CR1: variants seen among roughly 807,000 people sequenced by gnomAD.
CR1 encodes complement receptor type 1.
CR1 carries 116 observed loss-of-function variants against 187.3 expected under a neutral mutation model. The observed-to-expected ratio is 0.62, with a 90% CI of 0.53 to 0.72. The LOEUF (loss-of-function observed/expected upper bound fraction) is 0.72. Ranked by LOEUF, CR1 falls within the 30% of genes least tolerant of loss-of-function variation. The pLI, the probability that CR1 is intolerant of heterozygous loss-of-function variation, is 0.00. For synonymous variants in CR1, 576 were observed against 747.1 expected, an observed-to-expected ratio of 0.77 and a Z score of 3.73; for missense variants, 1,731 against 2,110.7, an observed-to-expected ratio of 0.82 and a Z score of 3.52.
At chr1:207,594,556 C>A (rs1286876274) in intron 35 of CR1, among the ~76,000 whole-genome samples, 1 of 152,062 alleles carries the variant, frequency 6.6e-6, no homozygotes, top group Non-Finnish European at 1.5e-5. Flanking sequence ...ACCTATGTAA[C>A]AAACCTGCAC....
chr1:207,510,847 T>G (rs12037841), intron 3 of CR1, among the ~76,000 whole-genome samples: 128,535 of 147,804 alleles, frequency 0.87, 56,351 homozygotes, highest in African/African-American at 0.97. Context: ...TTTGATACAA[T>G]GTCTTGCTTT....
chr1:207,599,924 C>T (rs1661555231), intron 35 of CR1, among the ~76,000 whole-genome samples: 1 of 152,144 alleles, frequency 6.6e-6, no homozygotes, highest in South Asian at 2.1e-4. Context: ...ACAAGTGCAA[C>T]TTAAGCATAT....
intron 4 of CR1, among the ~76,000 whole-genome samples, chr1:207,519,600 CCT>C (rs1558223769): frequency 6.6e-6 from 1 of 152,180 alleles, no homozygotes; most frequent in African/African-American, 2.4e-5. Flanking sequence ...ATGTCCTCCC[CCT>C]CTTTTTGTAT....
intron 39 of CR1, among the ~76,000 whole-genome samples, chr1:207,613,363 A>G (rs1307595140): frequency 6.6e-6 from 1 of 152,142 alleles, no homozygotes; most frequent in East Asian, 1.9e-4. Context: ...CAAAGACACC[A>G]CTCAAAGGTG....
chr1:207,628,253 T>C (rs1485895483), intron 45 of CR1, among the ~76,000 whole-genome samples: 1 of 152,164 alleles, frequency 6.6e-6, no homozygotes, highest in Non-Finnish European at 1.5e-5. Flanking sequence ...TCCTGCCTTC[T>C]TGGTCTCTAC....
intron 3 of CR1, 56 bp downstream of exon 3, chr1:207,506,869 T>A (rs1659455524): frequency 2.2e-6 from 3 of 1,387,762 alleles, no homozygotes; most frequent in East Asian, 2.3e-5. Flanking sequence ...TAACACAGCC[T>A]TACTACCTTC....
At chr1:207,498,994 C>T (rs1266832147) in intron 1 of CR1, among the ~76,000 whole-genome samples, 1 of 149,940 alleles carries the variant, frequency 6.7e-6, no homozygotes, top group African/African-American at 2.5e-5. Flanking sequence ...AAATAAAAAC[C>T]AGTAACAAAA....
At chr1:207,594,732 A>C (rs1661376553) in intron 35 of CR1, among the ~76,000 whole-genome samples, 1 of 152,216 alleles carries the variant, frequency 6.6e-6, no homozygotes, top group South Asian at 2.1e-4. Context: ...CACTAGAGTG[A>C]GTCAGTATTC....
intron 5 of CR1, among the ~76,000 whole-genome samples, chr1:207,524,469 C>T (rs888191275): frequency 2.6e-5 from 4 of 152,014 alleles, no homozygotes; most frequent in African/African-American, 2.4e-5. Flanking sequence ...CTTCAACCTC[C>T]GCCTCTCTGG....
rs572010548 is a variant in CR1, at chr1:207,589,893, TA to T, written c.5810+1122del. 2.2e-4 allele frequency among the ~76,000 whole-genome samples: 34 copies of T among 151,916 alleles called. No homozygotes were observed. The South Asian group carries it at 7.1e-3, about 32-fold the overall frequency. On this transcript the variant is annotated intron_variant, in intron 35 of 46. Coordinates refer to ENST00000367049, the MANE Select transcript of CR1 (RefSeq NM_000651.6). ...GAGATTGAAGATCAACTTAATGAAA[TA>T]AAGCATGAAGACAAAAAAAGAATGA...
chr1:207,601,557 C>T (rs1661605147), intron 35 of CR1, among the ~76,000 whole-genome samples: 1 of 152,092 alleles, frequency 6.6e-6, no homozygotes, highest in Admixed American at 6.5e-5. Flanking sequence ...GTTCCAATTT[C>T]TCTACATCCT....
At chr1:207,612,080 G>T (rs1455919963) in intron 39 of CR1, 39 bp downstream of exon 39, 1 of 1,585,808 alleles carries the variant, frequency 6.3e-7, no homozygotes, top group Non-Finnish European at 8.7e-7. Flanking sequence ...GACTCAGTGT[G>T]GAGAATCACT....
intron 3 of CR1, among the ~76,000 whole-genome samples, chr1:207,511,207 A>T (rs1572996668): frequency 6.6e-6 from 1 of 152,224 alleles, no homozygotes; most frequent in East Asian, 1.9e-4. Flanking sequence ...AGAAATACAT[A>T]CAACAGGACT....
chr1:207,591,576 C>G (rs1458012417), intron 35 of CR1, among the ~76,000 whole-genome samples: 2 of 152,108 alleles, frequency 1.3e-5, no homozygotes, highest in African/African-American at 4.8e-5. Context: ...CAAAAGCTAG[C>G]AGAAGAGAAG....
At chr1:207,630,892 GAGA>G (rs1331866627) in intron 46 of CR1, among the ~76,000 whole-genome samples, 2 of 152,040 alleles carry the variant, frequency 1.3e-5, no homozygotes, top group African/African-American at 2.4e-5. Flanking sequence ...ATGAAACTTT[GAGA>G]AGTAGTATGC....
At chr1:207,522,479 C>T (rs911745222) in intron 4 of CR1, among the ~76,000 whole-genome samples, 1 of 152,180 alleles carries the variant, frequency 6.6e-6, no homozygotes, top group Non-Finnish European at 1.5e-5. Context: ...TCTGTTCAGC[C>T]TCTCAGTTGC....
rs1329610747 is a variant in CR1, at chr1:207,578,149, G to A, written c.4882G>A (p.Val1628Met). Residue 1628 changes from valine (V) to methionine (M), a missense_variant, in exon 29 of 47, where the codon GTG becomes ATG. By Grantham distance (21) the Val-to-Met change is conservative. Transcript: ENST00000367049. ...PGFVMKGPRR[V>M]KCQALNKWEP... The stretch of plus-strand genomic sequence containing the variant: ...CTTTGTCATGAAAGGACCCCGCCGT[G>A]TGAAGTGCCAGGCCCTGAACAAATG... 9 of 1,611,874 alleles carry A rather than the reference G, an allele frequency of 5.6e-6. No individual in the cohort carries two copies. The South Asian group carries it at 9.9e-5, about 18-fold the overall frequency.
chr1:207,520,431 C>G (rs1028563905), intron 4 of CR1, among the ~76,000 whole-genome samples: 1 of 152,238 alleles, frequency 6.6e-6, no homozygotes, highest in Non-Finnish European at 1.5e-5. Flanking sequence ...TAGAACTCCC[C>G]ATGGGAGATA....
chr1:207,619,833 C>T lies in CR1; in HGVS notation c.7067-47C>T, dbSNP rs371204961. On this transcript the variant is annotated intron_variant, in intron 42 of 46. Transcript: ENST00000367049. ...CTCCTATTCTCGCAGTTAAAACGGA[C>T]AATCAACAATAAAATATCAATTTCT... 40 of 1,501,006 alleles carry T rather than the reference C, an allele frequency of 2.7e-5. 1 individual carries two copies. In the African/African-American group the frequency reaches 4.9e-4, roughly 18 times the overall value. 93.0% of individuals were successfully genotyped at this position (1,501,006 alleles called of 1,614,324 possible). A position where few individuals can be genotyped will look rare whatever the true frequency, so the allele number is the denominator to read the frequency against.
Sources: gnomAD v4.1 joint callset for allele counts (sites outside exome capture counted in the v4.1 genomes callset) on GRCh38, gnomAD v4.1.1 for gene constraint, MANE v1.5 for transcripts, NCBI Gene and HGNC (gene_info 2026-07-23, HGNC 2026-07-21) for gene names.